Variants in HELZ observed in about 807,000 individuals in gnomAD.
HELZ encodes helicase with zinc finger.
A neutral mutation model predicts 218.2 loss-of-function variants in HELZ; 23 were observed. The ratio of observed to expected loss-of-function variants is 0.11; its 90% confidence interval spans 0.08 to 0.15. HELZ has a LOEUF of 0.15. HELZ is among the 10% of genes least tolerant of loss of function. The pLI is 1.00. For missense variants in HELZ, 1,813 were observed against 2,353.7 expected (o/e 0.77, Z 4.75); for synonymous variants, 814 against 829.4 (o/e 0.98, Z 0.32).
At chr17:67,089,192 CAG>C (rs773119650) in intron 31 of HELZ, among the ~76,000 whole-genome samples, 21 of 152,270 alleles carry the variant, frequency 1.4e-4, no homozygotes, top group African/African-American at 3.4e-4. Context: ...CCTGGTGATA[CAG>C]AACACTAAAT....
At chr17:67,114,866 A>C (rs538197287) in intron 27 of HELZ, among the ~76,000 whole-genome samples, 2 of 152,344 alleles carry the variant, frequency 1.3e-5, no homozygotes, top group African/African-American at 2.4e-5. Flanking sequence ...TAATGTAGTT[A>C]TACTGCTTAA....
At chr17:67,177,489 TC>T (rs2039494136) in intron 13 of HELZ, among the ~76,000 whole-genome samples, 1 of 151,976 alleles carries the variant, frequency 6.6e-6, no homozygotes, top group African/African-American at 2.4e-5. Context: ...AAAAATAGTC[TC>T]CAGGATTCTG....
intron 32 of HELZ, 128 bp from the exon 33 acceptor site, chr17:67,078,714 G>A (rs1183193588): frequency 5.7e-6 from 3 of 522,558 alleles, no homozygotes; most frequent in Non-Finnish European, 9.4e-6. Context: ...CACAAGGACA[G>A]ACACCTTCTG....
At chr17:67,239,975 T>C (rs1318901909) in intron 2 of HELZ, among the ~76,000 whole-genome samples, 1 of 152,222 alleles carries the variant, frequency 6.6e-6, no homozygotes, top group African/African-American at 2.4e-5. Context: ...GTAAATATAC[T>C]GTGCAGCTTA....
intron 24 of HELZ, among the ~76,000 whole-genome samples, chr17:67,124,912 C>T (rs138837439): frequency 2.4e-3 from 370 of 151,894 alleles, no homozygotes; most frequent in African/African-American, 8.4e-3. Flanking sequence ...AAAAGTAACA[C>T]GTATCAAGCC....
chr17:67,080,800 A>T (rs2036165300), intron 32 of HELZ, among the ~76,000 whole-genome samples: 1 of 152,180 alleles, frequency 6.6e-6, no homozygotes, highest in Admixed American at 6.5e-5. Flanking sequence ...CTACATAGAG[A>T]AGATGAAACC....
intron 27 of HELZ, among the ~76,000 whole-genome samples, chr17:67,119,665 G>C (rs1041661743): frequency 6.6e-6 from 1 of 152,030 alleles, no homozygotes; most frequent in African/African-American, 2.4e-5. Flanking sequence ...ATTTTTCCTT[G>C]TAATTCTAGC....
At chr17:67,138,906 T>C (rs1029747241) in intron 21 of HELZ, among the ~76,000 whole-genome samples, 2 of 152,240 alleles carry the variant, frequency 1.3e-5, no homozygotes, top group Non-Finnish European at 2.9e-5. Context: ...ATAAAACATG[T>C]TCCTTGCCCG....
chr17:67,198,317 C>T (rs1304504639), intron 7 of HELZ, among the ~76,000 whole-genome samples: 1 of 152,210 alleles, frequency 6.6e-6, no homozygotes, highest in Non-Finnish European at 1.5e-5. Flanking sequence ...TGACGACCCG[C>T]ACGGGCCTGT....
chr17:67,161,171 C>T, intron 15 of HELZ, 95 bp from the exon 16 acceptor site: 1 of 866,604 alleles, frequency 1.2e-6, no homozygotes, highest in Non-Finnish European at 1.7e-6. Context: ...ACCATTAAAA[C>T]CACTGAAATA....
chr17:67,188,187 G>T lies in HELZ; in HGVS notation c.1162+132C>A, dbSNP rs114088168. 512 of 794,140 alleles carry T rather than the reference G, an allele frequency of 6.4e-4. 2 individuals carry two copies. In the African/African-American group the frequency reaches 8.2e-3, roughly 13 times the overall value. 49.2% of individuals were successfully genotyped at this position (794,140 alleles called of 1,614,324 possible). A position where few individuals can be genotyped will look rare whatever the true frequency, so the allele number is the denominator to read the frequency against. The stretch of plus-strand genomic sequence containing the variant: ...TATAAGCCCATTACACAGTAAATGA[G>T]TCAATTAAGTTGGGATTTTTTTCTT... On this transcript the variant is annotated intron_variant, in intron 12 of 32. Transcript: ENST00000358691. This position sits in a 1 kb window ranked among gnomAD's most constrained non-coding sequence, Gnocchi z 4.1.
rs528227507 is a variant in HELZ, at chr17:67,135,161, C to T, written c.3182+809G>A. On this transcript the variant is annotated intron_variant, in intron 23 of 32. Transcript: ENST00000358691. ...AGAAACTGTTCCTTAAAACTAAAGT[C>T]TAATGAATACTAATAATGCTACCGA... is the stretch of plus-strand genomic sequence containing the variant. 2.0e-5 allele frequency among the ~76,000 whole-genome samples: 3 copies of T among 152,198 alleles called. No individual in the cohort carries two copies. The South Asian group carries it at 6.2e-4, about 32-fold the overall frequency.
intron 27 of HELZ, among the ~76,000 whole-genome samples, chr17:67,115,335 T>C (rs942726051): frequency 6.6e-6 from 1 of 151,974 alleles, no homozygotes; most frequent in African/African-American, 2.4e-5. Context: ...CATCCTAATA[T>C]ATGGGTAATT....
chr17:67,213,738 A>G (rs1476331090), intron 5 of HELZ, among the ~76,000 whole-genome samples: 2 of 152,238 alleles, frequency 1.3e-5, no homozygotes, highest in African/African-American at 4.8e-5. Context: ...TGTTTATTAC[A>G]GGATGGTTTA....
intron 13 of HELZ, among the ~76,000 whole-genome samples, chr17:67,171,680 CAG>C (rs2039313942): frequency 1.3e-5 from 2 of 152,196 alleles, no homozygotes; most frequent in African/African-American, 4.8e-5. Context: ...GCTCTGAGGA[CAG>C]AGTTTCTCTC....
Position 67,145,695 on chromosome 17 carries a change from C to G in HELZ, c.2769+48G>C, listed in dbSNP as rs368711922. The G allele has an allele frequency of 3.4e-6, 5 of 1,477,372 alleles. No homozygotes were observed. The African/African-American group carries it at 5.6e-5, about 17-fold the overall frequency. The allele number at this position is 1,477,372 out of a possible 1,614,324, so 91.5% of individuals were successfully genotyped here. ...TAAATAAATGCTTAACAAAACTAGA[C>G]GATGTGACTGAGAAAATGTTAACAA... On this transcript the variant is annotated intron_variant, in intron 21 of 32. Coordinates refer to ENST00000358691, the MANE Select transcript of HELZ (RefSeq NM_014877.4).
intron 20 of HELZ, among the ~76,000 whole-genome samples, chr17:67,148,242 T>A (rs2038567564): frequency 6.6e-6 from 1 of 152,144 alleles, no homozygotes; most frequent in East Asian, 1.9e-4. Context: ...CCAGCTGGTG[T>A]CCCCTGCGGA....
At chr17:67,133,847 A>G (rs963673438) in intron 23 of HELZ, among the ~76,000 whole-genome samples, 15 of 152,168 alleles carry the variant, frequency 9.9e-5, no homozygotes, top group African/African-American at 3.6e-4. Context: ...TTACTCCCCT[A>G]ATAGTTTCTA....
chr17:67,143,420 C>A (rs1269779793), intron 21 of HELZ, among the ~76,000 whole-genome samples: 1 of 151,942 alleles, frequency 6.6e-6, no homozygotes, highest in Non-Finnish European at 1.5e-5. Flanking sequence ...CTAGCTTGGG[C>A]AACATAGTAA....
Sources: allele counts gnomAD v4.1 joint callset (sites outside exome capture counted in the v4.1 genomes callset), GRCh38; gene constraint gnomAD v4.1.1; non-coding constraint Gnocchi (gnomAD v3.1); transcripts MANE v1.5; gene names NCBI Gene and HGNC (gene_info 2026-07-23, HGNC 2026-07-21).